The following NSG1 variants were observed in gnomAD, a reference collection of about 807,000 sequenced individuals.
NSG1 encodes the protein neuronal vesicle trafficking associated 1, also known as neuronal vesicle trafficking-associated protein 1.
In NSG1, 9 loss-of-function variants were observed where a neutral mutation model predicts 19.3. That is an observed-to-expected ratio of 0.47 (90% confidence interval 0.28 to 0.81). The LOEUF (loss-of-function observed/expected upper bound fraction) is 0.81. Ranked by LOEUF, NSG1 falls within the 40% of genes least tolerant of loss-of-function variation. The pLI is 0.11. For synonymous variants in NSG1, 104 were observed against 107.0 expected, an observed-to-expected ratio of 0.97 and a Z score of 0.17; for missense variants, 236 against 242.4, an observed-to-expected ratio of 0.97 and a Z score of 0.18.
chr4:4,396,691 G>A (rs527635637), intron 3 of NSG1, among the ~76,000 whole-genome samples: 3 of 139,938 alleles, frequency 2.1e-5, no homozygotes, highest in Admixed American at 2.1e-4. Flanking sequence ...GTGCCCATCT[G>A]TTTCCACATT....
Position 4,387,746 on chromosome 4 carries a change from G to A in NSG1, c.117G>A (p.Pro39=), listed in dbSNP as rs1315059057. Residue 39 remains proline, a synonymous_variant, in exon 2 of 5, where the codon CCG becomes CCA. Transcript: ENST00000621129. ...TPLDVNQLQF[P]PPDKVVVKTK... is the part of the protein sequence containing the mutation. Reference sequence around the variant, plus strand: ...TCGATGTCAATCAGCTGCAGTTCCCGCCCCCGGATAAGGTAAGCCCCCCCA... The same window carrying A: ...TCGATGTCAATCAGCTGCAGTTCCCACCCCCGGATAAGGTAAGCCCCCCCA... The A allele has an allele frequency of 6.2e-7, 1 of 1,610,174 alleles. No individual in the cohort carries two copies. The highest frequency in any genetic ancestry group is 1.1e-5 in the South Asian group (1 of 90,966).
At chr4:4,410,737 A>C (rs1405699549) in intron 4 of NSG1, among the ~76,000 whole-genome samples, 1 of 152,178 alleles carries the variant, frequency 6.6e-6, no homozygotes, top group Non-Finnish European at 1.5e-5. Flanking sequence ...GCGAAGGCCG[A>C]GGCATGGCTG....
At chr4:4,390,830 G>T (rs1196857960) in intron 2 of NSG1, among the ~76,000 whole-genome samples, 1 of 152,134 alleles carries the variant, frequency 6.6e-6, no homozygotes, top group Non-Finnish European at 1.5e-5. Flanking sequence ...TAGGGCAGAT[G>T]CAAGGGCTGG....
chr4:4,408,168 T>C (rs1356057555), intron 3 of NSG1, among the ~76,000 whole-genome samples: 1 of 151,964 alleles, frequency 6.6e-6, no homozygotes, highest in Non-Finnish European at 1.5e-5. Context: ...TGCTGGAGGG[T>C]CTACCCAGTT....
At chr4:4,401,727 A>G (rs1723556690) in intron 3 of NSG1, among the ~76,000 whole-genome samples, 1 of 152,180 alleles carries the variant, frequency 6.6e-6, no homozygotes, top group African/African-American at 2.4e-5. Context: ...GGATTCCAGT[A>G]AGAAGGAAGA....
At chr4:4,406,923 C>T (rs9999884) in intron 3 of NSG1, among the ~76,000 whole-genome samples, 5,107 of 152,346 alleles carry the variant, frequency 0.034, 276 homozygotes, top group African/African-American at 0.12. Context: ...GTGCCTCAGA[C>T]GGCTGCGCCT....
chr4:4,396,117 G>A (rs944124437), intron 3 of NSG1, among the ~76,000 whole-genome samples: 63 of 152,284 alleles, frequency 4.1e-4, no homozygotes, highest in African/African-American at 1.4e-3. Flanking sequence ...ATTAACTGGA[G>A]GCATATTTAC....
chr4:4,404,885 G>A (rs971851011), intron 3 of NSG1, among the ~76,000 whole-genome samples: 1 of 151,958 alleles, frequency 6.6e-6, no homozygotes, highest in Non-Finnish European at 1.5e-5. Flanking sequence ...GCCTGGCCAG[G>A]GCTTTGAAGG....
intron 2 of NSG1, among the ~76,000 whole-genome samples, chr4:4,389,653 G>A (rs756782562): frequency 6.6e-5 from 10 of 152,154 alleles, no homozygotes; most frequent in African/African-American, 9.7e-5. Flanking sequence ...TGTTGCTAAC[G>A]GTCAGAGTTC....
At chr4:4,392,436 C>T (rs1389423693) in intron 3 of NSG1, among the ~76,000 whole-genome samples, 1 of 152,210 alleles carries the variant, frequency 6.6e-6, no homozygotes, top group Non-Finnish European at 1.5e-5. Context: ...GGTCACCCTC[C>T]ACTTGGCAGT....
intron 4 of NSG1, among the ~76,000 whole-genome samples, chr4:4,416,805 C>T (rs752482420): frequency 1.3e-5 from 2 of 152,224 alleles, no homozygotes; most frequent in Admixed American, 6.5e-5. Flanking sequence ...CTGCCCCTCC[C>T]TCATCTCACC....
intron 3 of NSG1, among the ~76,000 whole-genome samples, chr4:4,395,882 T>G (rs1461800459): frequency 6.6e-6 from 1 of 152,220 alleles, no homozygotes; most frequent in Non-Finnish European, 1.5e-5. Flanking sequence ...TATAGGCGTT[T>G]GGATGGCATC....
chr4:4,415,486 T>G (rs929174755), intron 4 of NSG1, among the ~76,000 whole-genome samples: 1 of 152,030 alleles, frequency 6.6e-6, no homozygotes, highest in African/African-American at 2.4e-5. Flanking sequence ...CAGAAAGCCT[T>G]CCCTGGCCCA....
chr4:4,414,606 A>G (rs535701860), intron 4 of NSG1, among the ~76,000 whole-genome samples: 9 of 152,206 alleles, frequency 5.9e-5, no homozygotes, highest in African/African-American at 1.7e-4. Context: ...CTTGTGTGGG[A>G]CTTTTACACC....
intron 3 of NSG1, among the ~76,000 whole-genome samples, chr4:4,405,882 C>G (rs6446643): frequency 0.18 from 27,849 of 152,052 alleles, 2,941 homozygotes; most frequent in African/African-American, 0.29. Flanking sequence ...GGAGGACACC[C>G]CCGAGGAGGT....
intron 3 of NSG1, among the ~76,000 whole-genome samples, chr4:4,397,055 G>GTGTGTGTGTGTGTGTGTA (rs1353760181): frequency 3.0e-4 from 46 of 151,964 alleles, no homozygotes; most frequent in Non-Finnish European, 5.0e-4. Flanking sequence ...GTGTGTGTGT[G>GTGTGTGTGTGTGTGTGTA]TGTGTATGTA....
intron 3 of NSG1, among the ~76,000 whole-genome samples, chr4:4,400,596 C>T (rs1723500159): frequency 6.6e-6 from 1 of 152,150 alleles, no homozygotes; most frequent in Admixed American, 6.5e-5. Context: ...GGGTATCTTT[C>T]CTTTTATTTA....
chr4:4,389,020 C>T (rs55758529), intron 2 of NSG1, among the ~76,000 whole-genome samples: 24,869 of 152,262 alleles, frequency 0.16, 2,538 homozygotes, highest in Admixed American at 0.25. Flanking sequence ...GCATCAGACT[C>T]GTCCAGTTAG....
intron 3 of NSG1, among the ~76,000 whole-genome samples, chr4:4,396,678 TGC>T (rs869296816): frequency 1.0e-3 from 57 of 56,740 alleles, no homozygotes; most frequent in Middle Eastern, 0.011. Flanking sequence ...TTGAGCTTCC[TGC>T]GTGCCCATCT....
Sources: gnomAD v4.1 joint callset for allele counts (sites outside exome capture counted in the v4.1 genomes callset) on GRCh38, gnomAD v4.1.1 for gene constraint, MANE v1.5 for transcripts, NCBI Gene and HGNC (gene_info 2026-07-23, HGNC 2026-07-21) for gene names.